Variants in MYCBP observed in about 807,000 individuals in gnomAD.
MYCBP encodes C-Myc-binding protein.
Under a neutral mutation model 16.8 loss-of-function variants are expected in MYCBP, and 5 were observed. That is an observed-to-expected ratio of 0.30 (90% CI 0.16 to 0.63). The LOEUF (loss-of-function observed/expected upper bound fraction) is 0.63, where lower values mean the gene tolerates loss of function less well. Ranked by LOEUF, MYCBP falls within the 20% of genes least tolerant of loss-of-function variation. The probability of loss-of-function intolerance (pLI) is 0.83; values close to 1 mark genes in which losing one functional copy is unlikely to be tolerated. For synonymous variants in MYCBP, 35 were observed against 43.7 expected (o/e 0.80, Z 0.79); for missense variants, 103 against 121.8 (o/e 0.85, Z 0.73).
chr1:38,869,907 G>A (rs1016704538), intron 2 of MYCBP, among the ~76,000 whole-genome samples: 6 of 151,316 alleles, frequency 4.0e-5, no homozygotes, highest in African/African-American at 7.3e-5. Context: ...GATGGCTCAC[G>A]CCTATAATCC....
intron 2 of MYCBP, 79 bp downstream of exon 2, chr1:38,872,939 G>T: frequency 1.3e-6 from 2 of 1,485,548 alleles, no homozygotes; most frequent in Non-Finnish European, 9.1e-7. Flanking sequence ...CCTTCCCCAC[G>T]CTACGGCCCG....
intron 4 of MYCBP, among the ~76,000 whole-genome samples, chr1:38,866,191 G>C (rs1642334283): frequency 6.6e-6 from 1 of 151,182 alleles, no homozygotes; most frequent in Admixed American, 6.6e-5. Flanking sequence ...TGAGATTACA[G>C]GCATGCACCA....
In MYCBP at chr1:38,864,582, A is replaced by G. The variant is rs562661368; in HGVS notation, c.*88T>C. On this transcript the variant is annotated 3_prime_UTR_variant, in exon 5 of 5. Transcript: ENST00000397572. Reference sequence around the variant, plus strand: ...ATTAAACATATTAAAAGAGTTCTATAGCATCTGTTCAGAAAAGATTATATA... The same window carrying G: ...ATTAAACATATTAAAAGAGTTCTATGGCATCTGTTCAGAAAAGATTATATA... 19 of 1,300,868 alleles carry G rather than the reference A, an allele frequency of 1.5e-5. No homozygotes were observed. In the East Asian group the frequency reaches 4.0e-4, roughly 27 times the overall value. The allele number at this position is 1,300,868 out of a possible 1,614,324, so 80.6% of individuals were successfully genotyped here. A position where few individuals can be genotyped will look rare whatever the true frequency, so the allele number is the denominator to read the frequency against.
intron 2 of MYCBP, chr1:38,872,734 T>C (rs1448253181): frequency 8.3e-6 from 4 of 482,064 alleles, no homozygotes; most frequent in Non-Finnish European, 3.7e-6. Context: ...TTGGCAAACA[T>C]GTCCACTGCG....
intron 3 of MYCBP, among the ~76,000 whole-genome samples, 155 bp downstream of exon 3, chr1:38,867,407 A>G (rs1184186172): frequency 6.6e-6 from 1 of 150,968 alleles, no homozygotes; most frequent in Non-Finnish European, 1.5e-5. Flanking sequence ...AGATTGCGCC[A>G]CTGCATTCCC....
chr1:38,865,079 T>C (rs915306750), intron 4 of MYCBP, among the ~76,000 whole-genome samples: 6 of 152,228 alleles, frequency 3.9e-5, no homozygotes, highest in Non-Finnish European at 8.8e-5. Context: ...GAAAAGTAGA[T>C]AAAGAGTTAA....
At chr1:38,870,147 G>A (rs1361518920) in intron 2 of MYCBP, among the ~76,000 whole-genome samples, 5 of 142,622 alleles carry the variant, frequency 3.5e-5, no homozygotes, top group African/African-American at 7.7e-5. Context: ...TCCAGCCTGG[G>A]TGACAGAGCA....
intron 2 of MYCBP, among the ~76,000 whole-genome samples, chr1:38,870,405 G>A (rs1377720950): frequency 1.3e-5 from 2 of 151,992 alleles, no homozygotes; most frequent in South Asian, 2.1e-4. Flanking sequence ...CGCCTGTAAC[G>A]TCAACACTTG....
intron 2 of MYCBP, among the ~76,000 whole-genome samples, chr1:38,868,691 G>A (rs564378368): frequency 6.6e-6 from 1 of 152,166 alleles, no homozygotes; most frequent in Admixed American, 6.5e-5. Context: ...AGATCACGAA[G>A]TCAGGAGATC....
At chr1:38,871,911 A>T (rs1297184268) in intron 2 of MYCBP, among the ~76,000 whole-genome samples, 1 of 152,198 alleles carries the variant, frequency 6.6e-6, no homozygotes, top group Non-Finnish European at 1.5e-5. Flanking sequence ...GAAAGAAATG[A>T]ACGTAAGGAG....
chr1:38,867,733 A>G, intron 2 of MYCBP, 123 bp from the exon 3 acceptor site: 1 of 779,828 alleles, frequency 1.3e-6, no homozygotes, highest in East Asian at 2.6e-5. Flanking sequence ...CAAAGACTAT[A>G]CAATGCTGAA....
At chr1:38,870,058 T>C (rs1476570373) in intron 2 of MYCBP, among the ~76,000 whole-genome samples, 1 of 149,678 alleles carries the variant, frequency 6.7e-6, no homozygotes, top group Non-Finnish European at 1.5e-5. Context: ...TAGTCCCAGC[T>C]ACTTGGGAGG....
At chr1:38,866,337 C>T (rs931772739) in intron 4 of MYCBP, among the ~76,000 whole-genome samples, 6 of 151,864 alleles carry the variant, frequency 4.0e-5, no homozygotes, top group African/African-American at 1.2e-4. Flanking sequence ...CGTGAGCCAC[C>T]GCACCCAGCC....
At chr1:38,872,256 T>A (rs756674011) in intron 2 of MYCBP, among the ~76,000 whole-genome samples, 1 of 152,146 alleles carries the variant, frequency 6.6e-6, no homozygotes, top group African/African-American at 2.4e-5. Flanking sequence ...TCCCAGTGAG[T>A]TGAGTGACAC....
chr1:38,867,721 T>C, intron 2 of MYCBP, 111 bp from the exon 3 acceptor site: 1 of 872,334 alleles, frequency 1.1e-6, no homozygotes, highest in Non-Finnish European at 1.9e-6. Flanking sequence ...CTGAGCACAT[T>C]GCAAAGACTA....
chr1:38,867,124 A>G, intron 3 of MYCBP, 115 bp from the exon 4 acceptor site: 1 of 999,986 alleles, frequency 1.0e-6, no homozygotes, highest in Non-Finnish European at 1.5e-6. Context: ...ATATCTACCC[A>G]GAGATCACCA....
At chr1:38,865,464 G>A (rs1028518238) in intron 4 of MYCBP, among the ~76,000 whole-genome samples, 4 of 152,180 alleles carry the variant, frequency 2.6e-5, no homozygotes, top group African/African-American at 9.7e-5. Flanking sequence ...AGACTTAAGA[G>A]TTGACTAATT....
At chr1:38,866,412 T>C (rs1431633687) in intron 4 of MYCBP, among the ~76,000 whole-genome samples, 1 of 150,756 alleles carries the variant, frequency 6.6e-6, no homozygotes, top group Non-Finnish European at 1.5e-5. Flanking sequence ...CTTGCGGTTT[T>C]CTTTTTTTTT....
intron 4 of MYCBP, among the ~76,000 whole-genome samples, chr1:38,866,259 G>A (rs1221976166): frequency 2.0e-5 from 3 of 151,706 alleles, no homozygotes; most frequent in Non-Finnish European, 4.4e-5. Context: ...TGCTGGCCAG[G>A]CTGATCTGGA....
Sources: gnomAD v4.1 joint callset for allele counts (sites outside exome capture counted in the v4.1 genomes callset) on GRCh38, gnomAD v4.1.1 for gene constraint, MANE v1.5 for transcripts, NCBI Gene and HGNC (gene_info 2026-07-23, HGNC 2026-07-21) for gene names.